CPNE1: variants seen among roughly 807,000 people sequenced by gnomAD.
CPNE1 encodes the protein copine-1.
A neutral mutation model predicts 63.2 loss-of-function variants in CPNE1; 58 were observed. That is an observed-to-expected ratio of 0.92 (90% confidence interval 0.74 to 1.14). The LOEUF is 1.14. CPNE1 is among the 50% of genes most tolerant of loss of function. The probability of loss-of-function intolerance (pLI) is 0.00; values close to 1 mark genes in which losing one functional copy is unlikely to be tolerated. For synonymous variants in CPNE1, 237 were observed against 249.0 expected (o/e 0.95, Z 0.45); for missense variants, 672 against 661.7 (o/e 1.02, Z -0.17).
Position 35,626,587 on chromosome 20 carries a change from G to T in CPNE1, c.1453C>A (p.Pro485Thr), listed in dbSNP as rs776899313. Residue 485 changes from proline (P) to threonine (T), a missense_variant, in exon 15 of 16, where the codon CCC (proline) becomes ACC (threonine). Physicochemically the swap from Pro to Thr is conservative, Grantham distance 38. Coordinates refer to ENST00000397443, the MANE Select transcript of CPNE1 (RefSeq NM_152925.3). The stretch of plus-strand genomic sequence containing the variant: ...CTCACATTCTGGAACCGGCGGTAGG[G>T]TACAAACTGCACAATGTCGCGGGCA... ...AAARDIVQFVPYRRFQNAPRE... is the reference protein window; with the variant it reads ...AAARDIVQFVTYRRFQNAPRE... 1.2e-6 allele frequency: 2 copies of T among 1,614,042 alleles called. No homozygotes were observed. Among genetic ancestry groups the T allele is most frequent in the African/African-American group, 2.7e-5 (2 of 74,924 alleles).
Position 35,630,430 on chromosome 20 carries a change from G to C in CPNE1, c.1102+9C>G, listed in dbSNP as rs371811085. The stretch of plus-strand genomic sequence containing the variant: ...ACAGACCTGCCTCAGGGTGGATGGG[G>C]AAACTTACCTGCACAGTAGGGGTTA... On this transcript the variant is annotated intron_variant, in intron 13 of 15. Coordinates refer to ENST00000397443, the MANE Select transcript of CPNE1 (RefSeq NM_152925.3). 1.2e-6 allele frequency: 2 copies of C among 1,613,786 alleles called. No individual in the cohort carries two copies. Among genetic ancestry groups the C allele is most frequent in the Non-Finnish European group, 1.7e-6 (2 of 1,179,638 alleles).
chr20:35,639,630 C>G (rs1273528846), intron 1 of CPNE1, among the ~76,000 whole-genome samples: 4 of 152,196 alleles, frequency 2.6e-5, no homozygotes, highest in African/African-American at 9.7e-5. Context: ...GCCACCGCAC[C>G]CAGCTAGGGA....
chr20:35,658,821 A>C, intron 1 of CPNE1: 1 of 635,976 alleles, frequency 1.6e-6, no homozygotes. Context: ...ACACACACAC[A>C]CACACACACA....
intron 1 of CPNE1, among the ~76,000 whole-genome samples, chr20:35,660,155 G>A (rs956393086): frequency 6.6e-6 from 1 of 152,150 alleles, no homozygotes; most frequent in Admixed American, 6.5e-5. Context: ...ACAATCAAAA[G>A]TCTAGAGCAT....
chr20:35,626,910 G>A (rs970781369), intron 14 of CPNE1, 107 bp from the exon 15 acceptor site: 80 of 931,786 alleles, frequency 8.6e-5, no homozygotes, highest in Non-Finnish European at 1.3e-4. Flanking sequence ...GTTACAGGCC[G>A]GGTGCGATGG....
chr20:35,626,904 C>T, intron 14 of CPNE1, 101 bp from the exon 15 acceptor site: 1 of 1,007,636 alleles, frequency 9.9e-7, no homozygotes, highest in Non-Finnish European at 1.6e-6. Context: ...TCCCTTGTTA[C>T]AGGCCGGGTG....
chr20:35,627,654 ACAAATCCAGGAGAG>A, intron 13 of CPNE1: 1 of 407,090 alleles, frequency 2.5e-6, no homozygotes, highest in Non-Finnish European at 4.4e-6. Flanking sequence ...ATTCTCCTGG[ACAAATCCAGGAGAG>A]TTTGAGCATC....
Position 35,626,804 on chromosome 20 carries a change from C to G in CPNE1, c.1237-1G>C, listed in dbSNP as rs2031777284. The G allele has an allele frequency of 1.2e-6, 2 of 1,612,932 alleles. No homozygotes were observed. Among genetic ancestry groups the G allele is most frequent in the South Asian group, 2.2e-5 (2 of 91,060 alleles). ...TCAGCAGCAACAGCATGAAGTATTG[C>G]TGGGGACAAGCCCATTCATGTCCTG... is the stretch of plus-strand genomic sequence containing the variant. On this transcript the variant is annotated splice_acceptor_variant, in intron 14 of 15. Coordinates refer to ENST00000397443, the MANE Select transcript of CPNE1 (RefSeq NM_152925.3). LOFTEE classifies it high-confidence loss of function.
At chr20:35,632,424 C>T (rs965977841) in intron 3 of CPNE1, 39 bp from the exon 4 acceptor site, 2 of 1,609,618 alleles carry the variant, frequency 1.2e-6, no homozygotes, top group Non-Finnish European at 8.5e-7. Flanking sequence ...GGATAACAGG[C>T]AGGGTTAGGT....
At chr20:35,639,332 TGGGG>T (rs2032669029) in intron 1 of CPNE1, among the ~76,000 whole-genome samples, 1 of 152,104 alleles carries the variant, frequency 6.6e-6, no homozygotes, top group Non-Finnish European at 1.5e-5. Context: ...AATAAAATGT[TGGGG>T]AAACTATTAT....
At chr20:35,651,815 C>T (rs1398423484) in intron 1 of CPNE1, 1 of 152,540 alleles carries the variant, frequency 6.6e-6, no homozygotes, top group African/African-American at 2.4e-5. Flanking sequence ...AGTCTTATTC[C>T]ACACAGTTTT....
chr20:35,648,295 C>A (rs1158135356), intron 1 of CPNE1, among the ~76,000 whole-genome samples: 1 of 152,180 alleles, frequency 6.6e-6, no homozygotes, highest in Non-Finnish European at 1.5e-5. Context: ...AAGTTTGATT[C>A]TACCATACCC....
In CPNE1 at chr20:35,626,723, C is replaced by T. The variant is rs377130963; in HGVS notation, c.1317G>A (p.Ser439=). 6.2e-6 allele frequency: 10 copies of T among 1,614,136 alleles called. No individual in the cohort carries two copies. The highest frequency in any genetic ancestry group is 7.6e-6 in the Non-Finnish European group (9 of 1,180,026). ...CAATGATCACTGACATGGGCAGGTT[C>T]GAGGCACGCACCACAGCCTCACGTG... The part of the protein sequence containing the change: ...EATREAVVRA[S]NLPMSVIIVG... Residue 439 remains serine, a synonymous_variant, in exon 15 of 16, where the codon TCG becomes TCA. Coordinates refer to ENST00000397443, the MANE Select transcript of CPNE1 (RefSeq NM_152925.3).
intron 1 of CPNE1, chr20:35,648,984 T>A (rs2033315637): frequency 1.3e-5 from 2 of 152,780 alleles, no homozygotes; most frequent in South Asian, 4.1e-4. Context: ...TATTGAACAG[T>A]ATTCAAGACT....
At chr20:35,661,299 G>A (rs913340713) in intron 1 of CPNE1, among the ~76,000 whole-genome samples, 1 of 152,190 alleles carries the variant, frequency 6.6e-6, no homozygotes, top group East Asian at 1.9e-4. Flanking sequence ...TGTTTTCCAG[G>A]AAACTACTAT....
intron 1 of CPNE1, among the ~76,000 whole-genome samples, chr20:35,656,509 C>T (rs1012196648): frequency 6.6e-6 from 1 of 152,124 alleles, no homozygotes; most frequent in Non-Finnish European, 1.5e-5. Context: ...AGGGTGTTTT[C>T]CAACCCATCT....
intron 1 of CPNE1, chr20:35,654,638 C>G: frequency 1.2e-6 from 2 of 1,614,068 alleles, no homozygotes; most frequent in Non-Finnish European, 1.7e-6. Flanking sequence ...ACAGAAGGAA[C>G]TGGGGGAATC....
chr20:35,658,893 T>A (rs541855277), intron 1 of CPNE1: 1 of 710,212 alleles, frequency 1.4e-6, no homozygotes, highest in Non-Finnish European at 2.6e-6. Context: ...TCATTTTATT[T>A]TGTATAAAAA....
At chr20:35,655,092 C>T (rs778007156) in intron 1 of CPNE1, 24 of 1,614,116 alleles carry the variant, frequency 1.5e-5, no homozygotes, top group South Asian at 1.2e-4. Flanking sequence ...TCTGCATTTC[C>T]GTCTTACTAC....
Sources: allele counts gnomAD v4.1 joint callset (sites outside exome capture counted in the v4.1 genomes callset), GRCh38; gene constraint gnomAD v4.1.1; transcripts MANE v1.5; gene names NCBI Gene and HGNC (gene_info 2026-07-23, HGNC 2026-07-21).